The following L3MBTL3 variants were observed in gnomAD, a reference collection of about 807,000 sequenced individuals.
L3MBTL3 encodes L3MBTL histone methyl-lysine binding protein 3, also known as lethal(3)malignant brain tumor-like protein 3.
Under a neutral mutation model 102.3 loss-of-function variants are expected in L3MBTL3, and 27 were observed. The ratio of observed to expected loss-of-function variants is 0.26; its 90% CI spans 0.19 to 0.36. The LOEUF is 0.36. Among genes scored for constraint, L3MBTL3 ranks in the 10% least tolerant of loss-of-function variants. The probability of loss-of-function intolerance (pLI) is 1.00; values close to 1 mark genes in which losing one functional copy is unlikely to be tolerated. For missense variants in L3MBTL3, 798 were observed against 955.3 expected (o/e 0.84, Z 2.17); for synonymous variants, 340 against 320.9 (o/e 1.06, Z -0.64).
At chr6:130,083,219 T>G (rs112154980) in intron 14 of L3MBTL3, among the ~76,000 whole-genome samples, 202 of 152,232 alleles carry the variant, frequency 1.3e-3, no homozygotes, top group African/African-American at 4.7e-3. Flanking sequence ...CTTATGTACA[T>G]TTTTTTGCAC....
chr6:130,063,340 G>A (rs1346434106), intron 10 of L3MBTL3, among the ~76,000 whole-genome samples: 2 of 152,026 alleles, frequency 1.3e-5, no homozygotes, highest in African/African-American at 2.4e-5. Flanking sequence ...GGAGGAGGAG[G>A]GGGATTTGAA....
In L3MBTL3 at chr6:130,066,594, C is replaced by T. The variant is rs186125515; in HGVS notation, c.1000+106C>T. ...CAGACTTTATGAAAATTCAGATAGG[C>T]ACAAATTTAACCTTATTGTTTATGA... On this transcript the variant is annotated intron_variant, in intron 11 of 22. Coordinates refer to ENST00000361794, the MANE Select transcript of L3MBTL3 (RefSeq NM_032438.4). 2.3e-5 allele frequency: 23 copies of T among 980,594 alleles called. No homozygotes were observed. The Admixed American group carries it at 5.5e-4, about 23-fold the overall frequency. The allele number at this position is 980,594 out of a possible 1,614,324, so 60.7% of individuals were successfully genotyped here.
intron 10 of L3MBTL3, among the ~76,000 whole-genome samples, chr6:130,064,181 A>G (rs539687215): frequency 9.2e-4 from 140 of 152,352 alleles, no homozygotes; most frequent in African/African-American, 2.6e-3. Context: ...TTTGCAAAGG[A>G]TATCAGGGCA....
intron 19 of L3MBTL3, among the ~76,000 whole-genome samples, chr6:130,112,665 C>A (rs1785427848): frequency 6.6e-6 from 1 of 152,098 alleles, no homozygotes; most frequent in South Asian, 2.1e-4. Context: ...AACATTTGTA[C>A]CCTAGGATTC....
At chr6:130,107,613 G>C (rs549916749) in intron 19 of L3MBTL3, among the ~76,000 whole-genome samples, 2 of 152,124 alleles carry the variant, frequency 1.3e-5, no homozygotes, top group South Asian at 4.2e-4. Flanking sequence ...TGCTATACTT[G>C]GTGTCCCATA....
chr6:130,078,699 TA>T (rs1783115398), intron 14 of L3MBTL3, 65 bp downstream of exon 14: 1 of 1,068,390 alleles, frequency 9.4e-7, no homozygotes, highest in Non-Finnish European at 1.4e-6. Flanking sequence ...ACTTTTTCTG[TA>T]AAGGGCCAGA....
At chr6:130,064,830 T>C (rs948574980) in intron 10 of L3MBTL3, among the ~76,000 whole-genome samples, 3 of 152,068 alleles carry the variant, frequency 2.0e-5, no homozygotes, top group South Asian at 4.2e-4. Flanking sequence ...ATAGAGACTA[T>C]GGGGAGAACA....
intron 20 of L3MBTL3, among the ~76,000 whole-genome samples, chr6:130,128,949 C>T (rs984808892): frequency 1.9e-4 from 29 of 152,054 alleles, no homozygotes; most frequent in African/African-American, 6.8e-4. Flanking sequence ...GGTGCAGGGT[C>T]GGTAGAGGCA....
chr6:130,079,367 T>C (rs771455832), intron 14 of L3MBTL3, among the ~76,000 whole-genome samples: 19 of 152,224 alleles, frequency 1.2e-4, no homozygotes, highest in Non-Finnish European at 2.6e-4. Flanking sequence ...TCTCAGCTTA[T>C]TTGCTGTCTC....
At chr6:130,021,798 C>T (rs1584261627) in intron 1 of L3MBTL3, among the ~76,000 whole-genome samples, 1 of 152,056 alleles carries the variant, frequency 6.6e-6, no homozygotes, top group Non-Finnish European at 1.5e-5. Context: ...TCACTGAGTA[C>T]GAAATTATTT....
Position 130,060,094 on chromosome 6 carries a change from T to C in L3MBTL3, c.818T>C (p.Val273Ala), listed in dbSNP as rs1423020139. 9 of 1,613,552 alleles carry C rather than the reference T, an allele frequency of 5.6e-6. No individual in the cohort carries two copies. In the African/African-American group the frequency reaches 1.2e-4, roughly 22 times the overall value. Residue 273 changes from valine to alanine, a missense_variant, in exon 10 of 23, where the codon GTG becomes GCG. This residue lies in a region of L3MBTL3 where 434 missense variants were observed against 506.6 expected (regional missense o/e 0.86). Transcript: ENST00000361794. ...GFKVGMKLEG[V>A]DPEHQSVYCV... ...AAAGTTGGCATGAAATTAGAAGGCG[T>C]GGATCCTGAGCATCAGTCTGTGTAC...
intron 13 of L3MBTL3, among the ~76,000 whole-genome samples, chr6:130,072,999 C>A (rs1473397550): frequency 6.6e-6 from 1 of 152,116 alleles, no homozygotes; most frequent in African/African-American, 2.4e-5. Context: ...TGTTGAGTCT[C>A]ACAGTTTGAT....
intron 19 of L3MBTL3, among the ~76,000 whole-genome samples, chr6:130,109,574 T>G (rs1425610642): frequency 1.3e-5 from 2 of 152,244 alleles, no homozygotes; most frequent in Admixed American, 1.3e-4. Flanking sequence ...TCTTGTAAAT[T>G]TGTTTAAGTT....
At chr6:130,134,158 A>G (rs1357129442) in intron 22 of L3MBTL3, among the ~76,000 whole-genome samples, 1 of 152,232 alleles carries the variant, frequency 6.6e-6, no homozygotes, top group Admixed American at 6.5e-5. Flanking sequence ...TCCTTATAAA[A>G]AGAAAACCCA....
At chr6:130,124,121 A>C (rs901420195) in intron 20 of L3MBTL3, among the ~76,000 whole-genome samples, 2 of 152,150 alleles carry the variant, frequency 1.3e-5, no homozygotes, top group African/African-American at 4.8e-5. Context: ...GGCGGTTCGG[A>C]GTTATCCCAA....
At chr6:130,062,402 C>T (rs1416487433) in intron 10 of L3MBTL3, among the ~76,000 whole-genome samples, 8 of 150,100 alleles carry the variant, frequency 5.3e-5, no homozygotes, top group Non-Finnish European at 7.4e-5. Flanking sequence ...TTTTTTTTTC[C>T]GAGACAGGGT....
At chr6:130,079,915 C>T (rs375345856) in intron 14 of L3MBTL3, among the ~76,000 whole-genome samples, 1 of 152,160 alleles carries the variant, frequency 6.6e-6, no homozygotes, top group East Asian at 1.9e-4. Flanking sequence ...ATTTACAGTA[C>T]TATTTTGACA....
At chr6:130,082,026 G>A (rs1783392511) in intron 14 of L3MBTL3, among the ~76,000 whole-genome samples, 1 of 152,158 alleles carries the variant, frequency 6.6e-6, no homozygotes, top group African/African-American at 2.4e-5. Context: ...CGAAGACTGT[G>A]CATTTTTGGC....
intron 14 of L3MBTL3, among the ~76,000 whole-genome samples, chr6:130,078,980 T>C (rs966329425): frequency 6.6e-6 from 1 of 152,202 alleles, no homozygotes; most frequent in Non-Finnish European, 1.5e-5. Flanking sequence ...TTTTAAAAGA[T>C]CTTTCATTTC....
Sources: allele counts gnomAD v4.1 joint callset (sites outside exome capture counted in the v4.1 genomes callset), GRCh38; gene constraint gnomAD v4.1.1; regional missense constraint gnomAD v4.1.1; transcripts MANE v1.5; gene names NCBI Gene and HGNC (gene_info 2026-07-23, HGNC 2026-07-21).